Variants in BCKDHB observed in about 807,000 individuals in gnomAD.
BCKDHB encodes branched chain keto acid dehydrogenase E1 subunit beta.
Under a neutral mutation model 48.5 loss-of-function variants are expected in BCKDHB, and 41 were observed. That is an observed-to-expected ratio of 0.85 (90% CI 0.66 to 1.10). BCKDHB has a LOEUF of 1.10. BCKDHB is among the 50% of genes least tolerant of loss of function. BCKDHB has a pLI of 0.00. For missense variants in BCKDHB, 496 were observed against 494.2 expected, an observed-to-expected ratio of 1.00 and a Z score of -0.03; for synonymous variants, 201 against 174.8, an observed-to-expected ratio of 1.15 and a Z score of -1.18.
chr6:80,348,225 T>A (rs1395578911), downstream of BCKDHB, among the ~76,000 whole-genome samples: 2 of 150,560 alleles, frequency 1.3e-5, no homozygotes, highest in Non-Finnish European at 3.0e-5. Context: ...TAAAAAAAAA[T>A]GAGGAACAAG....
chr6:80,213,044 G>A (rs959594507), intron 8 of BCKDHB, among the ~76,000 whole-genome samples: 1 of 152,176 alleles, frequency 6.6e-6, no homozygotes, highest in Admixed American at 6.5e-5. Context: ...TAGGATTGGT[G>A]CTCAATAAAT....
At chr6:80,194,856 G>T (rs191939621) in intron 6 of BCKDHB, among the ~76,000 whole-genome samples, 1 of 152,032 alleles carries the variant, frequency 6.6e-6, no homozygotes, top group Admixed American at 6.5e-5. Context: ...CACTTCATTT[G>T]ATCTCTCACT....
At chr6:80,301,315 G>A (rs1461929601) in intron 9 of BCKDHB, among the ~76,000 whole-genome samples, 3 of 151,976 alleles carry the variant, frequency 2.0e-5, no homozygotes, top group Non-Finnish European at 2.9e-5. Context: ...TAAAATCAGA[G>A]AAGATCCAAA....
chr6:80,409,633 A>G, the BCKDHB span, among the ~76,000 whole-genome samples: 3 of 79,516 alleles, frequency 3.8e-5, no homozygotes, highest in Non-Finnish European at 5.2e-5. Context: ...TATATATATG[A>G]TAGTTAGTTC....
At chr6:80,381,311 A>C in the BCKDHB span, among the ~76,000 whole-genome samples, 1 of 152,000 alleles carries the variant, frequency 6.6e-6, no homozygotes, top group Non-Finnish European at 1.5e-5. Flanking sequence ...ACATGTTTTG[A>C]AACTTCTGAC....
At position 80,176,627 on chromosome 6, in the gene BCKDHB, C is replaced by G. The variant is rs1400406984; in HGVS notation, c.742+5237C>G. On this transcript the variant is annotated intron_variant, in intron 6 of 9. Transcript: ENST00000320393. ...TCCTCTTGGAGAAGAAAAAAAAAAT[C>G]TCTTCTGAGAGTTTTTATCACAAGA... Among the ~76,000 whole-genome samples, 3 of 152,198 alleles carry G rather than the reference C, an allele frequency of 2.0e-5. No individual in the cohort carries two copies. In the South Asian group the frequency reaches 6.2e-4, roughly 32 times the overall value.
the BCKDHB span, among the ~76,000 whole-genome samples, chr6:80,419,834 A>AT: frequency 3.3e-5 from 5 of 151,604 alleles, no homozygotes; most frequent in South Asian, 2.1e-4. Context: ...TCTTTTAATT[A>AT]TTTTTTTTCT....
chr6:80,457,541 T>C, the BCKDHB span, among the ~76,000 whole-genome samples: 3 of 152,190 alleles, frequency 2.0e-5, no homozygotes, highest in Admixed American at 2.0e-4. Context: ...ACATTTTCCC[T>C]TCATTGGCTG....
At chr6:80,427,580 T>G in the BCKDHB span, among the ~76,000 whole-genome samples, 7 of 152,300 alleles carry the variant, frequency 4.6e-5, no homozygotes, top group African/African-American at 1.7e-4. Flanking sequence ...AGATTTTAGT[T>G]TCTAATTTTC....
At chr6:80,339,254 G>T (rs920914492) in intron 9 of BCKDHB, among the ~76,000 whole-genome samples, 2 of 152,028 alleles carry the variant, frequency 1.3e-5, no homozygotes, top group African/African-American at 4.8e-5. Flanking sequence ...ATAAATTGAC[G>T]TACTCTTAAT....
At chr6:80,107,545 A>ATATATATATGTGCG (rs1562050688) in intron 1 of BCKDHB, among the ~76,000 whole-genome samples, 1 of 121,972 alleles carries the variant, frequency 8.2e-6, no homozygotes, top group African/African-American at 3.7e-5. Context: ...ATATATATGC[A>ATATATATATGTGCG]CACATATATA....
At chr6:80,216,376 A>G (rs1775171997) in intron 8 of BCKDHB, among the ~76,000 whole-genome samples, 2 of 152,226 alleles carry the variant, frequency 1.3e-5, no homozygotes, top group African/African-American at 4.8e-5. Flanking sequence ...ATATAAAGAT[A>G]TGTGTTTTAC....
At chr6:80,357,394 C>A in the BCKDHB span, among the ~76,000 whole-genome samples, 1 of 152,054 alleles carries the variant, frequency 6.6e-6, no homozygotes, top group Non-Finnish European at 1.5e-5. Flanking sequence ...TCTCCTCCGG[C>A]CTTCTGATTG....
At chr6:80,169,871 G>T in intron 5 of BCKDHB, 1 of 1,603,844 alleles carries the variant, frequency 6.2e-7, no homozygotes, top group Non-Finnish European at 8.5e-7. Flanking sequence ...ATGTGAGCTA[G>T]AAGTTGTAGA....
At chr6:80,453,185 T>C in the BCKDHB span, 3 of 152,332 alleles carry the variant, frequency 2.0e-5, no homozygotes, top group East Asian at 3.9e-4. Context: ...CTCATTATAG[T>C]TGCCCACGGC....
At chr6:80,152,632 G>A (rs1892474) in intron 3 of BCKDHB, among the ~76,000 whole-genome samples, 114,799 of 152,088 alleles carry the variant, frequency 0.75, 44,554 homozygotes, top group African/African-American at 0.93. Context: ...GAGCATGCAC[G>A]GAAGCAAATT....
chr6:80,431,994 AT>A, the BCKDHB span, among the ~76,000 whole-genome samples: 1 of 152,298 alleles, frequency 6.6e-6, no homozygotes, highest in South Asian at 2.1e-4. Context: ...TGAAAATTAT[AT>A]TCTTTAAGAA....
the BCKDHB span, among the ~76,000 whole-genome samples, chr6:80,458,171 A>C: frequency 6.6e-6 from 1 of 152,194 alleles, no homozygotes; most frequent in Admixed American, 6.5e-5. Flanking sequence ...TGAAGGAAGG[A>C]CTATTTTGCC....
chr6:80,179,338 G>A (rs938110931), intron 6 of BCKDHB, among the ~76,000 whole-genome samples: 3 of 152,094 alleles, frequency 2.0e-5, no homozygotes, highest in African/African-American at 7.2e-5. Flanking sequence ...AGAGCCATAA[G>A]TTTAACCAAC....
Sources: gnomAD v4.1 joint callset for allele counts (sites outside exome capture counted in the v4.1 genomes callset) on GRCh38, gnomAD v4.1.1 for gene constraint, MANE v1.5 for transcripts, NCBI Gene and HGNC (gene_info 2026-07-23, HGNC 2026-07-21) for gene names.